The following CD99 variants were observed in gnomAD, a reference collection of about 807,000 sequenced individuals.
CD99 encodes CD99 antigen.
In CD99, 19 loss-of-function variants were observed where a neutral mutation model predicts 28.4. That is an observed-to-expected ratio of 0.67 (90% CI 0.47 to 0.98). The LOEUF (loss-of-function observed/expected upper bound fraction) is 0.98. Ranked by LOEUF, CD99 falls within the 50% of genes least tolerant of loss-of-function variation. The probability of loss-of-function intolerance (pLI) is 0.00; values close to 1 mark genes in which losing one functional copy is unlikely to be tolerated. For synonymous variants in CD99, 103 were observed against 92.1 expected (o/e 1.12, Z -0.67); for missense variants, 283 against 248.8 (o/e 1.14, Z -0.92).
At chrX:2,716,536 G>T (rs1442935157) in intron 2 of CD99, among the ~76,000 whole-genome samples, 1 of 152,096 alleles carries the variant, frequency 6.6e-6, no homozygotes, top group African/African-American at 2.4e-5. Flanking sequence ...GTGTTGCTCA[G>T]ATTGGAGTGC....
Position 2,704,116 on chromosome X carries a change from G to A in CD99, c.68-10306G>A, listed in dbSNP as rs191535744. Among the ~76,000 whole-genome samples the A allele has an allele frequency of 9.9e-4, 151 of 152,274 alleles. 2 individuals are homozygous for A. The highest frequency in any genetic ancestry group is 3.4e-3 in the Middle Eastern group (1 of 294). On this transcript the variant is annotated intron_variant, in intron 1 of 9. Transcript: ENST00000381192. ...GATTCCACGTCTCCCCAGGTCCCTC[G>A]CAGGGCGATTCTGAGAACTGCCGGT...
rs143653898 is a variant in CD99 at position 2,704,415 on chromosome X, A to C, written c.68-10007A>C. Among the ~76,000 whole-genome samples, 1,062 of 148,564 alleles carry C rather than the reference A, an allele frequency of 7.1e-3. 7 individuals carry two copies. Among genetic ancestry groups the C allele is most frequent in the African/African-American group, 0.025 (1,014 of 40,130 alleles). The stretch of plus-strand genomic sequence containing the variant: ...GTATATGCAGTTTAACCACCTGCAT[A>C]TAATCTTTTTCTTTTTTCTTTTCTT... On this transcript the variant is annotated intron_variant, in intron 1 of 9. Transcript: ENST00000381192.
intron 8 of CD99, among the ~76,000 whole-genome samples, chrX:2,731,713 A>T (rs1269394566): frequency 9.2e-5 from 14 of 152,152 alleles, no homozygotes; most frequent in Admixed American, 3.3e-4. Flanking sequence ...AATTTGTATT[A>T]AAATGAGTCC....
intron 9 of CD99, among the ~76,000 whole-genome samples, chrX:2,739,292 T>C (rs775465738): frequency 2.8e-4 from 43 of 152,146 alleles, no homozygotes; most frequent in African/African-American, 9.9e-4. Context: ...CTTTTGAAAA[T>C]GGCAAGAAAA....
Position 2,723,323 on chromosome X carries a change from G to A in CD99, c.320G>A (p.Gly107Asp). The change falls in exon 7 of 10, where the codon GGC becomes GAC. Residue 107 changes from glycine (G) to aspartate (D), a missense_variant. By Grantham distance (94) the Gly-to-Asp change is moderately conservative. Transcript: ENST00000381192. ...DGVSGGEGKG[G>D]SDGGGSHRKE... is the part of the protein sequence containing the mutation. Reference sequence around the variant, plus strand: ...TGTTTTTGTCTTGCAGGAAAAGGAGGCAGTGATGGTGGAGGCAGCCACAGG... The same window carrying A: ...TGTTTTTGTCTTGCAGGAAAAGGAGACAGTGATGGTGGAGGCAGCCACAGG... 6.2e-7 allele frequency: 1 copy of A among 1,613,976 alleles called. No individual in the cohort carries two copies.
chrX:2,709,492 C>T (rs2048285146), intron 1 of CD99, among the ~76,000 whole-genome samples: 1 of 152,236 alleles, frequency 6.6e-6, no homozygotes, highest in African/African-American at 2.4e-5. Context: ...GGTGTGCATT[C>T]AGCACACTCA....
At chrX:2,737,437 AGTG>A (rs2050002976) in intron 8 of CD99, among the ~76,000 whole-genome samples, 1 of 150,568 alleles carries the variant, frequency 6.6e-6, no homozygotes, top group Non-Finnish European at 1.5e-5. Flanking sequence ...GGCCTCCCAA[AGTG>A]GTGGGATTAC....
intron 7 of CD99, among the ~76,000 whole-genome samples, chrX:2,724,820 C>T (rs990369913): frequency 3.5e-4 from 53 of 151,836 alleles, no homozygotes; most frequent in Admixed American, 3.5e-3. Flanking sequence ...ATTGCTTGAA[C>T]CCGGGAAGCA....
intron 4 of CD99, 129 bp downstream of exon 4, chrX:2,719,834 T>C (rs2048911421): frequency 2.1e-6 from 2 of 958,224 alleles, no homozygotes; most frequent in Non-Finnish European, 3.4e-6. Flanking sequence ...ACCTAGGGAA[T>C]AGGTGTGTCG....
chrX:2,706,490 T>A (rs775104599), intron 1 of CD99, among the ~76,000 whole-genome samples: 13 of 152,100 alleles, frequency 8.5e-5, no homozygotes, highest in African/African-American at 2.9e-4. Context: ...GTCCTGAAAG[T>A]TTCGTGTTTA....
Position 2,711,232 on chromosome X carries a change from A to G in CD99, c.68-3190A>G, listed in dbSNP as rs561915899. Among the ~76,000 whole-genome samples the G allele has an allele frequency of 1.1e-3, 164 of 147,766 alleles. 2 individuals carry two copies. In the South Asian group the frequency reaches 0.02, roughly 18 times the overall value. ...CAAGTCAGGGCAAGTCTATATATAT[A>G]TAATATATATATGTGTATATATATA... On this transcript the variant is annotated intron_variant, in intron 1 of 9. Coordinates refer to ENST00000381192, the MANE Select transcript of CD99 (RefSeq NM_002414.5).
At chrX:2,697,809 G>C (rs1277843966) in intron 1 of CD99, among the ~76,000 whole-genome samples, 1 of 152,020 alleles carries the variant, frequency 6.6e-6, no homozygotes, top group Non-Finnish European at 1.5e-5. Context: ...ACACAGGGCT[G>C]TCTTCGATGA....
chrX:2,739,932 A>T (rs2050121721), intron 9 of CD99, among the ~76,000 whole-genome samples: 1 of 150,218 alleles, frequency 6.7e-6, no homozygotes, highest in South Asian at 2.1e-4. Context: ...AAAAAAAAAA[A>T]AAAAAAAAAA....
At chrX:2,692,788 A>T (rs150155345) in intron 1 of CD99, among the ~76,000 whole-genome samples, 2,999 of 152,270 alleles carry the variant, frequency 0.02, 102 homozygotes, top group African/African-American at 0.068. Context: ...CTGCGAATGC[A>T]TTCCTTCATC....
intron 8 of CD99, among the ~76,000 whole-genome samples, chrX:2,731,053 A>C (rs2049579772): frequency 6.6e-6 from 1 of 152,194 alleles, no homozygotes; most frequent in Non-Finnish European, 1.5e-5. Context: ...TTTATACCTG[A>C]ATTATAAAAT....
chrX:2,714,840 G>A, intron 2 of CD99: 1 of 180,842 alleles, frequency 5.5e-6, no homozygotes. Flanking sequence ...GTGCAGTGAA[G>A]GAGGTCCGCC....
chrX:2,694,756 G>GAA (rs928806695), intron 1 of CD99, among the ~76,000 whole-genome samples: 2 of 145,110 alleles, frequency 1.4e-5, no homozygotes. Context: ...CAGTCTCAAA[G>GAA]AAAAAAAAAA....
chrX:2,691,301 C>G lies in CD99; in HGVS notation c.-60C>G. ...ACCCGGCCCGTGGGGGAGTATCTGT[C>G]CTGCCGCCTTCGCCCACGCCCTGCA... On this transcript the variant is annotated 5_prime_UTR_variant, in exon 1 of 10. Coordinates refer to ENST00000381192, the MANE Select transcript of CD99 (RefSeq NM_002414.5). 7.0e-7 allele frequency: 1 copy of G among 1,428,720 alleles called. No individual in the cohort carries two copies. Among genetic ancestry groups the G allele is most frequent in the Admixed American group, 2.3e-5 (1 of 44,374 alleles). The allele number at this position is 1,428,720 out of a possible 1,614,324, so 88.5% of individuals were successfully genotyped here.
At chrX:2,708,598 A>G (rs2048232910) in intron 1 of CD99, among the ~76,000 whole-genome samples, 1 of 152,112 alleles carries the variant, frequency 6.6e-6, no homozygotes, top group African/African-American at 2.4e-5. Context: ...AACTGTAGAA[A>G]CAGCACAGAG....
Sources: gnomAD v4.1 joint callset for allele counts (sites outside exome capture counted in the v4.1 genomes callset) on GRCh38, gnomAD v4.1.1 for gene constraint, MANE v1.5 for transcripts, NCBI Gene and HGNC (gene_info 2026-07-23, HGNC 2026-07-21) for gene names.